Variants in SFTPB observed in about 807,000 individuals in gnomAD.
SFTPB encodes pulmonary surfactant-associated protein B.
SFTPB carries 32 observed loss-of-function variants against 51.0 expected under a neutral mutation model. The observed-to-expected ratio is 0.63, with a 90% CI of 0.47 to 0.84. The LOEUF (loss-of-function observed/expected upper bound fraction) is 0.84, where lower values mean the gene tolerates loss of function less well. Among genes scored for constraint, SFTPB ranks in the 40% least tolerant of loss-of-function variants. The pLI, the probability that SFTPB is intolerant of heterozygous loss-of-function variation, is 0.00. For synonymous variants in SFTPB, 211 were observed against 208.5 expected, an observed-to-expected ratio of 1.01 and a Z score of -0.10; for missense variants, 431 against 491.2, an observed-to-expected ratio of 0.88 and a Z score of 1.16.
chr2:85,666,797 A>G (rs1022533701), intron 3 of SFTPB, 55 bp from the exon 4 acceptor site: 2 of 1,611,654 alleles, frequency 1.2e-6, no homozygotes, highest in African/African-American at 2.7e-5. Context: ...ACCCCGCCCA[A>G]GTCCCTGGAC....
rs1349297564 is a variant in SFTPB, at chr2:85,666,694, T to C, written c.316A>G (p.Lys106Glu). 6.2e-7 allele frequency: 1 copy of C among 1,613,794 alleles called. No individual in the cohort carries two copies. The highest frequency in any genetic ancestry group is 8.5e-7 in the Non-Finnish European group (1 of 1,179,864). ...LEQECNVLPL[K>E]LLMPQCNQVL... ...TGGTTGCACTGGGGCATGAGCAGCT[T>C]CAAGGGGAGGACGTTGCACTCCTGC... Residue 106 changes from lysine (K) to glutamate (E), a missense_variant, in exon 4 of 11, where the codon AAG becomes GAG. By Grantham distance (56) the Lys-to-Glu change is moderately conservative. Coordinates refer to ENST00000519937, the MANE Select transcript of SFTPB (RefSeq NM_000542.5).
rs769758832 is a variant in SFTPB at position 85,663,362 on chromosome 2, C to A, written c.986G>T (p.Trp329Leu). The change falls in exon 8 of 11, where the codon TGG (tryptophan) becomes TTG (leucine). Residue 329 changes from tryptophan to leucine, a missense_variant. By Grantham distance (61) the Trp-to-Leu change is moderately conservative (BLOSUM62 -2). Transcript: ENST00000519937. ...QAMLQACVGSWLDREKCKQFV... is the reference protein window; with the variant it reads ...QAMLQACVGSLLDREKCKQFV... ...AGCCCATACCTTTTCCCTGTCCAGC[C>A]AGGAGCCAACACAGGCCTGGAGCAT... The A allele has an allele frequency of 1.2e-6, 2 of 1,612,848 alleles. No homozygotes were observed. The highest frequency in any genetic ancestry group is 2.7e-5 in the African/African-American group (2 of 74,946).
In SFTPB at chr2:85,666,871, A is replaced by G. The variant is rs1677676367; in HGVS notation, c.268-129T>C. 4 of 1,281,708 alleles carry G rather than the reference A, an allele frequency of 3.1e-6. No individual in the cohort carries two copies. In the East Asian group the frequency reaches 7.0e-5, roughly 22 times the overall value. 79.4% of individuals were successfully genotyped at this position (1,281,708 alleles called of 1,614,324 possible). On this transcript the variant is annotated intron_variant, in intron 3 of 10. Coordinates refer to ENST00000519937, the MANE Select transcript of SFTPB (RefSeq NM_000542.5). ...AGGGTGCTGGAGTTCACGAGTGCCAAGGAGTTAAGTAGTTGGGCACATGTA... is the reference window on the plus strand; with the variant it reads ...AGGGTGCTGGAGTTCACGAGTGCCAGGGAGTTAAGTAGTTGGGCACATGTA...
intron 4 of SFTPB, 124 bp downstream of exon 4, chr2:85,666,493 C>CTGTGTGTGTGCTGTGTGTG: frequency 4.1e-6 from 3 of 739,054 alleles, no homozygotes; most frequent in Non-Finnish European, 4.2e-6. Flanking sequence ...GGCTTGGGTG[C>CTGTGTGTGTGCTGTGTGTG]TGTGTGTGTG....
Position 85,663,808 on chromosome 2 carries a change from C to T in SFTPB, c.712G>A (p.Val238Ile), listed in dbSNP as rs775462975. The T allele has an allele frequency of 1.3e-6, 2 of 1,599,828 alleles. No individual in the cohort carries two copies. The highest frequency in any genetic ancestry group is 2.3e-5 in the East Asian group (1 of 44,236). ...CAGATGCCGCCCGCCACCAGAGGTA[C>T]CACGCGGCACACCTGGGCCACTGCC... ...AVAVAQVCRV[V>I]PLVAGGICQC... is the part of the protein sequence containing the mutation. Residue 238 changes from valine to isoleucine, a missense_variant, in exon 7 of 11, where the codon GTA (valine) becomes ATA (isoleucine). Coordinates refer to ENST00000519937, the MANE Select transcript of SFTPB (RefSeq NM_000542.5).
Position 85,658,292 on chromosome 2 carries a change from T to C in SFTPB, c.*1410A>G, listed in dbSNP as rs961707958. The C allele has an allele frequency of 6.6e-6, 1 of 152,132 alleles. No individual in the cohort carries two copies. The highest frequency in any genetic ancestry group is 2.4e-5 in the African/African-American group (1 of 41,426). 9.4% of individuals were successfully genotyped at this position (152,132 alleles called of 1,614,324 possible). On this transcript the variant is annotated 3_prime_UTR_variant, in exon 11 of 11. Transcript: ENST00000519937. ...AGAAAAGCTAAGGCTTGTTTGGCTT[T>C]TTGTTTATTTTTAGGTTTTTGGTGT...
chr2:85,661,337 A>T, intron 10 of SFTPB, 117 bp downstream of exon 10: 3 of 711,716 alleles, frequency 4.2e-6, no homozygotes, highest in Non-Finnish European at 7.4e-6. Flanking sequence ...GAGAGGGAGG[A>T]TGGAGCAGCC....
chr2:85,668,058 A>C, intron 1 of SFTPB, 59 bp downstream of exon 1: 1 of 1,376,434 alleles, frequency 7.3e-7, no homozygotes, highest in Admixed American at 2.0e-5. Context: ...GCCTAGCACA[A>C]AGCAGTGCTC....
chr2:85,661,522 C>T lies in SFTPB; in HGVS notation c.1097G>A (p.Cys366Tyr), dbSNP rs757642887. Residue 366 changes from cysteine (C) to tyrosine (Y), a missense_variant, in exon 10 of 11, where the codon TGT becomes TAT. Cys to Tyr is a radical substitution (Grantham distance 194). Coordinates refer to ENST00000519937, the MANE Select transcript of SFTPB (RefSeq NM_000542.5). ...AHTTCQALGV[C>Y]GTMSSPLQCI... is the part of the protein sequence containing the mutation. ...CTGGAGAGGGCTGGACATGGTCCCA[C>T]ACACCCCGAGGGCCTGTCACAGGGA... The T allele has an allele frequency of 6.2e-7, 1 of 1,611,562 alleles. No homozygotes were observed. Among genetic ancestry groups the T allele is most frequent in the African/African-American group, 1.3e-5 (1 of 74,864 alleles).
intron 10 of SFTPB, 118 bp downstream of exon 10, chr2:85,661,336 G>A (rs1369440208): frequency 4.2e-6 from 3 of 709,538 alleles, no homozygotes; most frequent in Admixed American, 4.2e-5. Flanking sequence ...TGAGAGGGAG[G>A]ATGGAGCAGC....
chr2:85,663,854 CG>C lies in SFTPB; in HGVS notation c.673-8del. On this transcript the variant is annotated splice_region_variant and splice_polypyrimidine_tract_variant and intron_variant, in intron 6 of 10. Transcript: ENST00000519937. ...CTGCCACAGCTAGCGCACCCTGGGG[CG>C]GGGGCGGAGAGAGGCCAGCATGGGA... The C allele has an allele frequency of 2.5e-6, 4 of 1,576,230 alleles. No homozygotes were observed. The highest frequency in any genetic ancestry group is 2.3e-5 in the East Asian group (1 of 43,450).
Position 85,663,832 on chromosome 2 carries a change from C to T in SFTPB, c.688G>A (p.Ala230Thr), listed in dbSNP as rs754123363. 2 of 1,589,204 alleles carry T rather than the reference C, an allele frequency of 1.3e-6. No homozygotes were observed. The highest frequency in any genetic ancestry group is 8.5e-7 in the Non-Finnish European group (1 of 1,171,026). The change falls in exon 7 of 11, where the codon GCA becomes ACA. Residue 230 changes from alanine to threonine, a missense_variant. Coordinates refer to ENST00000519937, the MANE Select transcript of SFTPB (RefSeq NM_000542.5). Reference sequence around the variant, plus strand: ...ACCACGCGGCACACCTGGGCCACTGCCACAGCTAGCGCACCCTGGGGCGGG... The same window carrying T: ...ACCACGCGGCACACCTGGGCCACTGTCACAGCTAGCGCACCCTGGGGCGGG... ...AMIPKGALAV[A>T]VAQVCRVVPL...
intron 2 of SFTPB, 132 bp downstream of exon 2, chr2:85,667,547 C>A: frequency 8.6e-7 from 1 of 1,168,268 alleles, no homozygotes; most frequent in Non-Finnish European, 1.3e-6. Flanking sequence ...TTTATCCTAT[C>A]TCATTTCATC....
chr2:85,666,989 A>T, intron 3 of SFTPB, 117 bp downstream of exon 3: 1 of 1,027,492 alleles, frequency 9.7e-7, no homozygotes, highest in Non-Finnish European at 1.5e-6. Flanking sequence ...GGGACTTCCC[A>T]GGCACCCAGG....
In SFTPB at chr2:85,663,775, G is replaced by A. The variant is rs1294497319; in HGVS notation, c.745C>T (p.Leu249=). 1 of 1,605,896 alleles carries A rather than the reference G, an allele frequency of 6.2e-7. No individual in the cohort carries two copies. Among genetic ancestry groups the A allele is most frequent in the Non-Finnish European group, 8.5e-7 (1 of 1,177,162 alleles). ...AGGATGACGGAGTAGCGCTCAGCCA[G>A]GCACTGGCAGATGCCGCCCGCCACC... The part of the protein sequence containing the change: ...PLVAGGICQC[L]AERYSVILLD... Residue 249 remains leucine, a synonymous_variant, in exon 7 of 11, where the codon CTG becomes TTG. Coordinates refer to ENST00000519937, the MANE Select transcript of SFTPB (RefSeq NM_000542.5).
chr2:85,667,451 C>T (rs982667283), intron 2 of SFTPB, among the ~76,000 whole-genome samples: 5 of 152,018 alleles, frequency 3.3e-5, no homozygotes, highest in African/African-American at 1.2e-4. Context: ...CCTATCCCTT[C>T]CCCTCCCATC....
intron 10 of SFTPB, among the ~76,000 whole-genome samples, chr2:85,660,006 C>T (rs1677206223): frequency 6.6e-6 from 1 of 152,174 alleles, no homozygotes; most frequent in African/African-American, 2.4e-5. Flanking sequence ...GTTTCAGGAA[C>T]AGGGCTGGCT....
rs1222028526 is a variant in SFTPB at position 85,659,694 on chromosome 2, G to C, written c.*20-12C>G. On this transcript the variant is annotated splice_polypyrimidine_tract_variant and intron_variant, in intron 10 of 10. Coordinates refer to ENST00000519937, the MANE Select transcript of SFTPB (RefSeq NM_000542.5). ...CTTTTCCTTTGCAGCTGAGGAGGAT[G>C]AGGGCCAGAGAGGGACTGTGTGTAT... 6.6e-6 allele frequency: 1 copy of C among 152,594 alleles called. No individual in the cohort carries two copies. The highest frequency in any genetic ancestry group is 2.4e-5 in the African/African-American group (1 of 41,458). The allele number at this position is 152,594 out of a possible 1,614,324, so 9.5% of individuals were successfully genotyped here.
intron 6 of SFTPB, 66 bp from the exon 7 acceptor site, chr2:85,663,913 G>C: frequency 4.8e-6 from 7 of 1,467,774 alleles, no homozygotes; most frequent in Non-Finnish European, 6.4e-6. Context: ...TCTCTGCCCA[G>C]CACCCAGCTG....
Sources: allele counts gnomAD v4.1 joint callset (sites outside exome capture counted in the v4.1 genomes callset), GRCh38; gene constraint gnomAD v4.1.1; transcripts MANE v1.5; gene names NCBI Gene and HGNC (gene_info 2026-07-23, HGNC 2026-07-21).